ESRRG: variants seen among roughly 807,000 people sequenced by gnomAD.
The protein encoded by ESRRG is estrogen-related receptor gamma.
Under a neutral mutation model 44.0 loss-of-function variants are expected in ESRRG, and 13 were observed. The observed-to-expected ratio is 0.30, with a 90% confidence interval of 0.19 to 0.47. The LOEUF is 0.47. Ranked by LOEUF, ESRRG falls within the 20% of genes least tolerant of loss-of-function variation. ESRRG has a pLI of 1.00. For missense variants in ESRRG, 395 were observed against 580.6 expected (o/e 0.68, Z 3.29); for synonymous variants, 215 against 214.6 (o/e 1.00, Z -0.02).
At chr1:217,120,761 G>A (rs1014097300) in intron 1 of ESRRG, among the ~76,000 whole-genome samples, 5 of 151,874 alleles carry the variant, frequency 3.3e-5, no homozygotes, top group South Asian at 2.1e-4. Flanking sequence ...TTACATTTTC[G>A]CTCATACGTA....
At chr1:216,550,824 T>C (rs1181959561) in intron 5 of ESRRG, among the ~76,000 whole-genome samples, 2 of 152,214 alleles carry the variant, frequency 1.3e-5, no homozygotes, top group African/African-American at 2.4e-5. Flanking sequence ...ACTCCATTTC[T>C]GAAGTAGTTT....
At chr1:217,027,921 A>G (rs1374912384) in intron 1 of ESRRG, among the ~76,000 whole-genome samples, 3 of 152,192 alleles carry the variant, frequency 2.0e-5, no homozygotes, top group Non-Finnish European at 2.9e-5. Flanking sequence ...CCTGTCCCCA[A>G]CCTCTATGCC....
chr1:216,867,020 T>A (rs1388949278), intron 2 of ESRRG, among the ~76,000 whole-genome samples: 1 of 152,224 alleles, frequency 6.6e-6, no homozygotes, highest in Non-Finnish European at 1.5e-5. Context: ...TATTTGGTTT[T>A]AAAAAATAAA....
At chr1:216,564,140 G>T in intron 5 of ESRRG, 79 bp downstream of exon 5, 3 of 850,194 alleles carry the variant, frequency 3.5e-6, no homozygotes, top group Non-Finnish European at 3.4e-6. Flanking sequence ...AGAAAAATTT[G>T]AATTCACCCA....
intron 2 of ESRRG, among the ~76,000 whole-genome samples, chr1:216,932,049 T>C (rs1470305477): frequency 2.0e-5 from 3 of 151,936 alleles, no homozygotes; most frequent in South Asian, 4.2e-4. Flanking sequence ...ACTAAAAATA[T>C]AAAAATCAGC....
chr1:217,064,669 A>C (rs904782231), intron 1 of ESRRG, among the ~76,000 whole-genome samples: 1 of 152,248 alleles, frequency 6.6e-6, no homozygotes, highest in African/African-American at 2.4e-5. Flanking sequence ...GAAGTTGTCC[A>C]AAATACAGGC....
intron 1 of ESRRG, among the ~76,000 whole-genome samples, chr1:216,962,055 GAAA>G (rs1275864196): frequency 1.0e-4 from 4 of 38,988 alleles, no homozygotes; most frequent in Non-Finnish European, 3.6e-4. Flanking sequence ...CAGCCATAAA[GAAA>G]GAAAAATTGT....
intron 1 of ESRRG, chr1:217,000,246 G>A (rs1164302684): frequency 6.6e-6 from 1 of 152,166 alleles, no homozygotes; most frequent in African/African-American, 2.4e-5. Context: ...ACAGAAATTT[G>A]TCTCACAGTT....
intron 1 of ESRRG, among the ~76,000 whole-genome samples, chr1:216,958,441 C>T (rs943697360): frequency 5.9e-5 from 9 of 152,016 alleles, no homozygotes; most frequent in African/African-American, 1.7e-4. Context: ...TCAGTGGGTT[C>T]GTGTTGATAT....
chr1:216,835,650 A>G (rs1234125452), intron 2 of ESRRG, among the ~76,000 whole-genome samples: 1 of 152,202 alleles, frequency 6.6e-6, no homozygotes, highest in Admixed American at 6.5e-5. Context: ...ACATTCCACC[A>G]GAGGTGAGAG....
chr1:217,073,802 A>T (rs1415450729), intron 1 of ESRRG, among the ~76,000 whole-genome samples: 1 of 152,122 alleles, frequency 6.6e-6, no homozygotes, highest in East Asian at 1.9e-4. Context: ...AAAAGAGCGA[A>T]GGAAAAAAGG....
At position 216,533,020 on chromosome 1, in the gene ESRRG, A is replaced by G. The variant is rs188491914; in HGVS notation, c.863-13599T>C. ...GGATACAGCTTAGAATAATTATAAT[A>G]AAAATATTGGACTTGTTTTCACTAT... On this transcript the variant is annotated intron_variant, in intron 5 of 6. Transcript: ENST00000408911. 1.9e-4 allele frequency among the ~76,000 whole-genome samples: 29 copies of G among 152,274 alleles called. No individual in the cohort carries two copies. The East Asian group carries it at 5.6e-3, about 29-fold the overall frequency.
chr1:217,051,201 G>C (rs866381580), intron 1 of ESRRG, among the ~76,000 whole-genome samples: 3 of 114,752 alleles, frequency 2.6e-5, no homozygotes, highest in Non-Finnish European at 5.7e-5. Context: ...TGGATAATGG[G>C]GGCGGGGGGG....
intron 2 of ESRRG, among the ~76,000 whole-genome samples, chr1:216,835,854 TA>T (rs764133766): frequency 6.6e-6 from 1 of 152,206 alleles, no homozygotes. Context: ...GGAACTTAGC[TA>T]AAGCGATTTT....
chr1:217,134,411 G>T (rs973600000), intron 1 of ESRRG, among the ~76,000 whole-genome samples: 1 of 152,222 alleles, frequency 6.6e-6, no homozygotes, highest in African/African-American at 2.4e-5. Flanking sequence ...CTCGATGCGC[G>T]CAGTGAGGGC....
chr1:217,073,928 C>G (rs1436414074), intron 1 of ESRRG, among the ~76,000 whole-genome samples: 1 of 151,854 alleles, frequency 6.6e-6, no homozygotes, highest in Non-Finnish European at 1.5e-5. Flanking sequence ...AGAAATATAT[C>G]TTTGGTAGCA....
rs11117725 is a variant in ESRRG, at chr1:216,919,994, G to T, written c.-14+19588C>A. Among the ~76,000 whole-genome samples, 1,511 of 152,246 alleles carry T rather than the reference G, an allele frequency of 9.9e-3. 29 individuals carry two copies. The highest frequency in any genetic ancestry group is 0.034 in the African/African-American group (1,428 of 41,538). On this transcript the variant is annotated intron_variant, in intron 2 of 7. Coordinates refer to the ESRRG transcript ENST00000359162. Reference sequence around the variant, plus strand: ...AGATGCCAGGCGAAGCCTACAAAAGGGTAGCACTACGATACAAGAGAACAT... The same window carrying T: ...AGATGCCAGGCGAAGCCTACAAAAGTGTAGCACTACGATACAAGAGAACAT...
chr1:216,524,310 T>G (rs2047014158), intron 5 of ESRRG, among the ~76,000 whole-genome samples: 1 of 145,428 alleles, frequency 6.9e-6, no homozygotes, highest in African/African-American at 2.7e-5. Context: ...ACACACTTTT[T>G]TTTCATGAAC....
rs534371272 is a variant in ESRRG at position 217,054,425 on chromosome 1, T to G, written c.-106+35082A>C. On this transcript the variant is annotated intron_variant, in intron 1 of 7. Transcript: ENST00000359162. ...CAGAAACGTCTTGGAAATGTCCACGTGAGGTTTGGTATAGGGATCATTTTC... is the reference window on the plus strand; with the variant it reads ...CAGAAACGTCTTGGAAATGTCCACGGGAGGTTTGGTATAGGGATCATTTTC... Among the ~76,000 whole-genome samples, 78 of 152,252 alleles carry G rather than the reference T, an allele frequency of 5.1e-4. No homozygotes were observed. The South Asian group carries it at 0.016, about 31-fold the overall frequency.
Sources: gnomAD v4.1 joint callset for allele counts (sites outside exome capture counted in the v4.1 genomes callset) on GRCh38, gnomAD v4.1.1 for gene constraint, MANE v1.5 for transcripts, NCBI Gene and HGNC (gene_info 2026-07-23, HGNC 2026-07-21) for gene names.